The following SLC17A8 variants were observed in gnomAD, a reference collection of about 807,000 sequenced individuals.
The protein encoded by SLC17A8 is solute carrier family 17 member 8, also known as vesicular glutamate transporter 3.
SLC17A8 carries 31 observed loss-of-function variants against 58.0 expected under a neutral mutation model. That is an observed-to-expected ratio of 0.53 (90% CI 0.40 to 0.72). The LOEUF (loss-of-function observed/expected upper bound fraction) is 0.72, where lower values mean the gene tolerates loss of function less well. Ranked by LOEUF, SLC17A8 falls within the 30% of genes least tolerant of loss-of-function variation. The pLI is 0.00. For synonymous variants in SLC17A8, 228 were observed against 249.0 expected (o/e 0.92, Z 0.79); for missense variants, 655 against 727.8 (o/e 0.90, Z 1.15).
intron 9 of SLC17A8, among the ~76,000 whole-genome samples, chr12:100,405,761 C>T (rs962444621): frequency 5.9e-5 from 9 of 152,098 alleles, no homozygotes; most frequent in Non-Finnish European, 1.3e-4. Flanking sequence ...ATCTTAAAGA[C>T]CCCTAAGTCT....
At chr12:100,381,083 C>T (rs1952634333) in intron 2 of SLC17A8, 130 bp downstream of exon 2, 1 of 970,290 alleles carries the variant, frequency 1.0e-6, no homozygotes, top group Non-Finnish European at 1.6e-6. Flanking sequence ...ATTAACCTCC[C>T]ATCTCAGCAT....
chr12:100,390,943 A>C, intron 2 of SLC17A8, 58 bp from the exon 3 acceptor site: 1 of 1,174,682 alleles, frequency 8.5e-7, no homozygotes, highest in South Asian at 1.2e-5. Flanking sequence ...TCATTGGTAA[A>C]AAATGGTTGT....
At chr12:100,407,285 C>T (rs10860589) in intron 9 of SLC17A8, among the ~76,000 whole-genome samples, 148,932 of 152,324 alleles carry the variant, frequency 0.98, 72,825 homozygotes, top group East Asian at 1. Flanking sequence ...TTAAACACTA[C>T]TTGCACAACC....
At chr12:100,414,203 C>T (rs1052031327) in intron 10 of SLC17A8, among the ~76,000 whole-genome samples, 3 of 152,124 alleles carry the variant, frequency 2.0e-5, no homozygotes, top group African/African-American at 7.2e-5. Context: ...GCCCAAAGGC[C>T]GTGCTCCTTC....
chr12:100,361,980 A>C (rs540116796), intron 1 of SLC17A8, among the ~76,000 whole-genome samples: 6 of 152,222 alleles, frequency 3.9e-5, no homozygotes, highest in South Asian at 4.2e-4. Flanking sequence ...CAAAACAAAA[A>C]AAAACAGAAA....
chr12:100,401,918 T>C (rs1158084476), intron 6 of SLC17A8, 55 bp downstream of exon 6: 1 of 1,429,016 alleles, frequency 7.0e-7, no homozygotes, highest in African/African-American at 1.4e-5. Context: ...GGTATTTTAC[T>C]GCATATGGGT....
intron 1 of SLC17A8, among the ~76,000 whole-genome samples, chr12:100,361,828 G>A (rs1219518976): frequency 6.6e-6 from 1 of 152,088 alleles, no homozygotes; most frequent in Non-Finnish European, 1.5e-5. Flanking sequence ...AGGCATAGAG[G>A]CATGTGCCTA....
At chr12:100,401,907 T>C in intron 6 of SLC17A8, 44 bp downstream of exon 6, 3 of 1,518,332 alleles carry the variant, frequency 2.0e-6, no homozygotes, top group Non-Finnish European at 2.7e-6. Flanking sequence ...CTCATAGAGA[T>C]GGTATTTTAC....
chr12:100,390,615 TG>T (rs1952708658), intron 2 of SLC17A8, among the ~76,000 whole-genome samples: 1 of 152,086 alleles, frequency 6.6e-6, no homozygotes, highest in African/African-American at 2.4e-5. Flanking sequence ...CCCAAAGTGC[TG>T]GGATTACAGG....
chr12:100,369,045 G>A (rs1952541121), intron 1 of SLC17A8, among the ~76,000 whole-genome samples: 1 of 152,118 alleles, frequency 6.6e-6, no homozygotes, highest in Admixed American at 6.6e-5. Context: ...GGCCAAGGCA[G>A]GGAGAGGATC....
At chr12:100,414,802 TCTC>T (rs1952894670) in intron 10 of SLC17A8, among the ~76,000 whole-genome samples, 1 of 152,236 alleles carries the variant, frequency 6.6e-6, no homozygotes, top group South Asian at 2.1e-4. Flanking sequence ...GCCCAGTGCC[TCTC>T]AAAGTGTTAT....
In SLC17A8 at chr12:100,381,894, G is replaced by A. The variant is rs1293886068; in HGVS notation, c.354+941G>A. Among the ~76,000 whole-genome samples, 7 of 152,288 alleles carry A rather than the reference G, an allele frequency of 4.6e-5. No homozygotes were observed. In the East Asian group the frequency reaches 1.3e-3, roughly 29 times the overall value. ...TAAGTTGGAATGTATGCCATTGTTG[G>A]AAATAGTGGCCATGACTGTAATACG... On this transcript the variant is annotated intron_variant, in intron 2 of 11. Coordinates refer to ENST00000323346, the MANE Select transcript of SLC17A8 (RefSeq NM_139319.3).
At chr12:100,372,937 T>C (rs766688867) in intron 1 of SLC17A8, among the ~76,000 whole-genome samples, 3 of 152,150 alleles carry the variant, frequency 2.0e-5, no homozygotes, top group East Asian at 1.9e-4. Flanking sequence ...GTTGATCTTA[T>C]TACCTATGAA....
intron 1 of SLC17A8, among the ~76,000 whole-genome samples, chr12:100,365,790 T>C (rs1952516319): frequency 6.6e-6 from 1 of 152,206 alleles, no homozygotes; most frequent in African/African-American, 2.4e-5. Flanking sequence ...CAATTCTTGC[T>C]CCTGAGGTCT....
chr12:100,412,417 G>C (rs1200767209), intron 9 of SLC17A8, among the ~76,000 whole-genome samples: 2 of 151,988 alleles, frequency 1.3e-5, no homozygotes, highest in Non-Finnish European at 2.9e-5. Context: ...GGGCCTGCTA[G>C]GGGGCAAGGG....
chr12:100,386,384 T>C (rs1952674476), intron 2 of SLC17A8, among the ~76,000 whole-genome samples: 1 of 152,194 alleles, frequency 6.6e-6, no homozygotes, highest in African/African-American at 2.4e-5. Context: ...TGACTCTAAG[T>C]ACAATGTTGA....
chr12:100,361,004 G>A (rs1952480732), intron 1 of SLC17A8, among the ~76,000 whole-genome samples: 1 of 152,200 alleles, frequency 6.6e-6, no homozygotes, highest in Admixed American at 6.5e-5. Context: ...GCATTCAGGA[G>A]TGTGCCAGAT....
chr12:100,392,577 A>G (rs1279937124), intron 3 of SLC17A8, among the ~76,000 whole-genome samples: 1 of 152,186 alleles, frequency 6.6e-6, no homozygotes, highest in Non-Finnish European at 1.5e-5. Context: ...AAGTGATAAA[A>G]TATTGGTTGC....
At chr12:100,357,857 T>A (rs1007582968) in intron 1 of SLC17A8, among the ~76,000 whole-genome samples, 1 of 152,206 alleles carries the variant, frequency 6.6e-6, no homozygotes, top group Non-Finnish European at 1.5e-5. Flanking sequence ...ACTGAAATAA[T>A]TTTTATGTTT....
Sources: allele counts gnomAD v4.1 joint callset (sites outside exome capture counted in the v4.1 genomes callset), GRCh38; gene constraint gnomAD v4.1.1; transcripts MANE v1.5; gene names NCBI Gene and HGNC (gene_info 2026-07-23, HGNC 2026-07-21).